The following FBXO4 variants were observed in gnomAD, a reference collection of about 807,000 sequenced individuals.
The protein encoded by FBXO4 is F-box protein 4.
FBXO4 carries 36 observed loss-of-function variants against 43.7 expected under a neutral mutation model. That is an observed-to-expected ratio of 0.82 (90% confidence interval 0.63 to 1.09). The LOEUF (loss-of-function observed/expected upper bound fraction) is 1.09. FBXO4 is among the 50% of genes least tolerant of loss of function. The probability of loss-of-function intolerance (pLI) is 0.00; values close to 1 mark genes in which losing one functional copy is unlikely to be tolerated. For synonymous variants in FBXO4, 180 were observed against 165.6 expected (o/e 1.09, Z -0.67); for missense variants, 435 against 474.1 (o/e 0.92, Z 0.77).
At chr5:42,014,770 T>C in the FBXO4 span, among the ~76,000 whole-genome samples, 1 of 152,166 alleles carries the variant, frequency 6.6e-6, no homozygotes, top group African/African-American at 2.4e-5. Flanking sequence ...GATATAAGCT[T>C]TGAGACTGGA....
the FBXO4 span, among the ~76,000 whole-genome samples, chr5:42,035,202 G>A: frequency 0.016 from 2,450 of 151,914 alleles, 123 homozygotes; most frequent in East Asian, 0.1. Flanking sequence ...GTTGCTTATC[G>A]GCTTAAAGAG....
the FBXO4 span, chr5:41,952,220 C>T: frequency 0.079 from 12,291 of 156,240 alleles, 702 homozygotes; most frequent in African/African-American, 0.16. Context: ...TAAGTTATGC[C>T]ACAAATCTAG....
chr5:42,030,532 A>C, the FBXO4 span, among the ~76,000 whole-genome samples: 2 of 152,096 alleles, frequency 1.3e-5, no homozygotes, highest in Non-Finnish European at 2.9e-5. Context: ...AATACCATTC[A>C]GGACATAGGC....
At chr5:42,013,018 G>A in the FBXO4 span, among the ~76,000 whole-genome samples, 1 of 152,126 alleles carries the variant, frequency 6.6e-6, no homozygotes, top group Non-Finnish European at 1.5e-5. Context: ...TCAAGACTGT[G>A]GGGGAAGGCT....
chr5:42,006,907 T>TATAC, the FBXO4 span, among the ~76,000 whole-genome samples: 9 of 141,420 alleles, frequency 6.4e-5, 1 homozygote, highest in Non-Finnish European at 1.4e-4. Context: ...TATATATATA[T>TATAC]ATATATATAT....
At chr5:42,007,096 A>T in the FBXO4 span, among the ~76,000 whole-genome samples, 6 of 151,044 alleles carry the variant, frequency 4.0e-5, no homozygotes, top group African/African-American at 9.7e-5. Flanking sequence ...CTACCTCAGG[A>T]TGTGATCTTA....
At chr5:42,029,322 G>C in the FBXO4 span, among the ~76,000 whole-genome samples, 61 of 152,142 alleles carry the variant, frequency 4.0e-4, no homozygotes, top group African/African-American at 1.4e-3. Flanking sequence ...ACGTATTGCA[G>C]CTCCATTGTA....
chr5:41,967,919 C>T, the FBXO4 span: 3 of 546,092 alleles, frequency 5.5e-6, no homozygotes, highest in African/African-American at 5.7e-5. Flanking sequence ...TCTGCAGCTG[C>T]CCTGGTTTTG....
chr5:41,999,555 A>ATATG, the FBXO4 span, among the ~76,000 whole-genome samples: 107 of 121,688 alleles, frequency 8.8e-4, no homozygotes, highest in African/African-American at 2.3e-3. Flanking sequence ...GTATATATAT[A>ATATG]TATATATGTA....
the FBXO4 span, among the ~76,000 whole-genome samples, chr5:41,963,509 C>A: frequency 1.3e-5 from 2 of 152,072 alleles, no homozygotes; most frequent in African/African-American, 2.4e-5. Flanking sequence ...CTACTAATAA[C>A]CTACTTTGAC....
chr5:42,038,555 T>C, the FBXO4 span, among the ~76,000 whole-genome samples: 3 of 152,142 alleles, frequency 2.0e-5, no homozygotes, highest in Non-Finnish European at 4.4e-5. Flanking sequence ...TGTGTAATGA[T>C]CAAATCAGAG....
intron 2 of FBXO4, 56 bp from the exon 3 acceptor site, chr5:41,929,641 A>C (rs998665531): frequency 1.3e-5 from 17 of 1,289,514 alleles, no homozygotes; most frequent in Non-Finnish European, 1.8e-5. Context: ...TATATTTTTG[A>C]ATGAATAACT....
At chr5:41,957,679 A>T in the FBXO4 span, among the ~76,000 whole-genome samples, 2 of 151,640 alleles carry the variant, frequency 1.3e-5, no homozygotes, top group Non-Finnish European at 2.9e-5. Context: ...TATTTATCAT[A>T]TTTTAAAGTC....
Position 41,929,747 on chromosome 5 carries a change from C to A in FBXO4, c.476C>A (p.Pro159His). Residue 159 changes from proline (P) to histidine (H), a missense_variant, in exon 3 of 7, where the codon CCT becomes CAT. Transcript: ENST00000281623. Reference protein sequence around the residue: ...YTRRASKSSRPMYGAVTSFLH... With the variant: ...YTRRASKSSRHMYGAVTSFLH... ...AGAAGAGCTTCAAAATCCAGCCGTCCTATGTATGGAGCTGTCACTTCTTTT... is the reference window on the plus strand; with the variant it reads ...AGAAGAGCTTCAAAATCCAGCCGTCATATGTATGGAGCTGTCACTTCTTTT... 1 of 1,613,710 alleles carries A rather than the reference C, an allele frequency of 6.2e-7. No homozygotes were observed. The highest frequency in any genetic ancestry group is 2.2e-5 in the East Asian group (1 of 44,874).
At chr5:41,952,001 G>T in the FBXO4 span, 3 of 305,346 alleles carry the variant, frequency 9.8e-6, no homozygotes, top group South Asian at 1.2e-4. Context: ...TCACAGCAAT[G>T]ACACGAGCTG....
chr5:42,014,037 A>G, the FBXO4 span, among the ~76,000 whole-genome samples: 1 of 152,174 alleles, frequency 6.6e-6, no homozygotes, highest in Non-Finnish European at 1.5e-5. Context: ...GAAAGGCGGA[A>G]ATATCAAGAC....
chr5:41,993,617 G>GTATATATATATATATATATATA, the FBXO4 span, among the ~76,000 whole-genome samples: 1 of 93,272 alleles, frequency 1.1e-5, no homozygotes, highest in South Asian at 3.2e-4. Flanking sequence ...AGAACTAATA[G>GTATATATATATATATATATATA]GATATATATA....
At chr5:41,988,513 G>T in the FBXO4 span, among the ~76,000 whole-genome samples, 1 of 152,180 alleles carries the variant, frequency 6.6e-6, no homozygotes, top group African/African-American at 2.4e-5. Context: ...TTGGGGCCTT[G>T]ATGACTGGGC....
chr5:41,938,908 C>G (rs137993506), intron 5 of FBXO4, among the ~76,000 whole-genome samples: 5 of 151,904 alleles, frequency 3.3e-5, no homozygotes, highest in Non-Finnish European at 5.9e-5. Flanking sequence ...AATCTTTCAA[C>G]AAGAAGAGCC....
Sources: allele counts gnomAD v4.1 joint callset (sites outside exome capture counted in the v4.1 genomes callset), GRCh38; gene constraint gnomAD v4.1.1; transcripts MANE v1.5; gene names NCBI Gene and HGNC (gene_info 2026-07-23, HGNC 2026-07-21).